The following EGF variants were observed in gnomAD, a reference collection of about 807,000 sequenced individuals.
EGF encodes pro-epidermal growth factor.
Under a neutral mutation model 143.8 loss-of-function variants are expected in EGF, and 95 were observed. The ratio of observed to expected loss-of-function variants is 0.66; its 90% CI spans 0.56 to 0.78. EGF has a LOEUF of 0.78. Among genes scored for constraint, EGF ranks in the 30% least tolerant of loss-of-function variants. The pLI is 0.00. For synonymous variants in EGF, 510 were observed against 510.5 expected, an observed-to-expected ratio of 1.00 and a Z score of 0.01; for missense variants, 1,320 against 1,470.9, an observed-to-expected ratio of 0.90 and a Z score of 1.68.
At chr4:109,979,276 G>A (rs935970589) in intron 13 of EGF, among the ~76,000 whole-genome samples, 1 of 152,124 alleles carries the variant, frequency 6.6e-6, no homozygotes, top group Non-Finnish European at 1.5e-5. Flanking sequence ...AGGAAATGAA[G>A]ATGGGAGAGA....
intron 5 of EGF, chr4:109,959,089 T>C: frequency 1.7e-6 from 1 of 572,008 alleles, no homozygotes; most frequent in Non-Finnish European, 3.0e-6. Flanking sequence ...CTCCAGCTAA[T>C]CAGGATGCCC....
chr4:109,954,506 G>A (rs182708081), intron 5 of EGF, among the ~76,000 whole-genome samples: 28 of 152,014 alleles, frequency 1.8e-4, no homozygotes, highest in Admixed American at 4.6e-4. Flanking sequence ...AGCACAGAAC[G>A]GCCATTCTTG....
intron 14 of EGF, 116 bp downstream of exon 14, chr4:109,980,255 T>C: frequency 4.7e-6 from 5 of 1,059,164 alleles, no homozygotes; most frequent in Non-Finnish European, 6.7e-6. Context: ...TTTCACTAAC[T>C]GTGTAGATGT....
intron 1 of EGF, among the ~76,000 whole-genome samples, chr4:109,930,270 A>G (rs1170728762): frequency 1.3e-5 from 2 of 152,176 alleles, no homozygotes; most frequent in South Asian, 2.1e-4. Context: ...AGAGGAGATG[A>G]GATAGTTTTT....
In EGF at chr4:109,994,407, G is replaced by T. The variant is rs188717579; in HGVS notation, c.2858-326G>T. On this transcript the variant is annotated intron_variant, in intron 19 of 23. Coordinates refer to ENST00000265171, the MANE Select transcript of EGF (RefSeq NM_001963.6). ...TTGAAGCTAACTGTCACTTCACATGGTTAGTGTATGTTTGTGTGTGACAGG... is the reference window on the plus strand; with the variant it reads ...TTGAAGCTAACTGTCACTTCACATGTTTAGTGTATGTTTGTGTGTGACAGG... 4.6e-5 allele frequency among the ~76,000 whole-genome samples: 7 copies of T among 152,306 alleles called. No individual in the cohort carries two copies. The East Asian group carries it at 1.4e-3, about 29-fold the overall frequency.
intron 20 of EGF, among the ~76,000 whole-genome samples, chr4:109,998,147 A>G (rs915969126): frequency 6.6e-6 from 1 of 152,210 alleles, no homozygotes; most frequent in Non-Finnish European, 1.5e-5. Context: ...CATATTCCTC[A>G]AGACCCCAGA....
chr4:109,965,274 T>C (rs1340116161), intron 10 of EGF, among the ~76,000 whole-genome samples: 1 of 152,172 alleles, frequency 6.6e-6, no homozygotes. Context: ...ATGTGGTACA[T>C]TAATTCCTAG....
chr4:109,968,274 T>C (rs1415476700), intron 10 of EGF, among the ~76,000 whole-genome samples: 1 of 152,138 alleles, frequency 6.6e-6, no homozygotes, highest in Non-Finnish European at 1.5e-5. Flanking sequence ...TAGTCTAACT[T>C]CCTCATTTTT....
Position 109,923,052 on chromosome 4 carries a change from T to G in EGF, c.127+9590T>G, listed in dbSNP as rs533296080. Among the ~76,000 whole-genome samples the G allele has an allele frequency of 3.3e-5, 5 of 151,828 alleles. No homozygotes were observed. The East Asian group carries it at 9.6e-4, about 29-fold the overall frequency. On this transcript the variant is annotated intron_variant, in intron 1 of 23. Transcript: ENST00000265171. ...TTAACCAGCAGGTTCTTTGTGATTT[T>G]TAAAAATTATCCTTTTTATTATCCT...
intron 16 of EGF, among the ~76,000 whole-genome samples, chr4:109,985,001 A>T (rs937944559): frequency 1.3e-5 from 2 of 152,176 alleles, no homozygotes; most frequent in African/African-American, 4.8e-5. Flanking sequence ...AATACTTTAA[A>T]CCAATGTTAG....
intron 2 of EGF, 45 bp downstream of exon 2, chr4:109,941,190 C>G (rs1458395117): frequency 2.6e-6 from 4 of 1,541,164 alleles, no homozygotes; most frequent in Non-Finnish European, 9.0e-7. Context: ...TTTGTACAGG[C>G]TGACAAATAT....
chr4:109,965,446 A>G (rs1746398443), intron 10 of EGF, among the ~76,000 whole-genome samples: 1 of 152,288 alleles, frequency 6.6e-6, no homozygotes, highest in Admixed American at 6.5e-5. Context: ...GAACACTAGC[A>G]AACAATTCTT....
chr4:109,926,364 T>C (rs1294014359), intron 1 of EGF, among the ~76,000 whole-genome samples: 3 of 149,920 alleles, frequency 2.0e-5, no homozygotes, highest in African/African-American at 7.4e-5. Context: ...TTTTTTTTTT[T>C]TTTTTTCCGA....
chr4:109,949,238 T>C (rs79805385), intron 5 of EGF, among the ~76,000 whole-genome samples: 1 of 152,030 alleles, frequency 6.6e-6, no homozygotes, highest in Non-Finnish European at 1.5e-5. Flanking sequence ...CCAGCTAATT[T>C]GTATTTTTAG....
Position 109,999,770 on chromosome 4 carries a change from G to A in EGF, c.3097G>A (p.Val1033Ile). Residue 1033 changes from valine (V) to isoleucine (I), a missense_variant, in exon 21 of 24, where the codon GTC becomes ATC. Physicochemically the swap from Val to Ile is conservative, Grantham distance 29 (BLOSUM62 3). Transcript: ENST00000265171. ...RHAGHGQQQK[V>I]IVVAVCVVVL... ...CGCTGGCCACGGGCAGCAGCAGAAG[G>A]TCATCGTGGTGGCTGTCTGCGTGGT... The A allele has an allele frequency of 6.2e-7, 1 of 1,614,116 alleles. No homozygotes were observed. Among genetic ancestry groups the A allele is most frequent in the Non-Finnish European group, 8.5e-7 (1 of 1,180,026 alleles).
At chr4:109,914,621 T>C (rs1392655010) in intron 1 of EGF, among the ~76,000 whole-genome samples, 7 of 152,194 alleles carry the variant, frequency 4.6e-5, no homozygotes. Flanking sequence ...TAGTGATCTC[T>C]ATGTTCCCAG....
chr4:109,970,043 C>T (rs1285559392), intron 11 of EGF, among the ~76,000 whole-genome samples: 3 of 152,066 alleles, frequency 2.0e-5, no homozygotes, highest in Non-Finnish European at 4.4e-5. Context: ...GAGGAAAGTG[C>T]ATGAGATAAG....
chr4:109,971,992 A>G (rs1003594548), intron 11 of EGF, among the ~76,000 whole-genome samples: 1 of 152,196 alleles, frequency 6.6e-6, no homozygotes, highest in African/African-American at 2.4e-5. Flanking sequence ...GAAGGTAAAA[A>G]TATAAGCTAT....
rs530568548 is a variant in EGF, at chr4:109,991,407, A to G, written c.2735-1840A>G. On this transcript the variant is annotated intron_variant, in intron 18 of 23. Transcript: ENST00000265171. ...GCAAAGTTCTAGGCAACAGGGAGCC[A>G]CTGGCAGCATTTGAGTAAAGTGGTG... Among the ~76,000 whole-genome samples, 5 of 152,216 alleles carry G rather than the reference A, an allele frequency of 3.3e-5. No homozygotes were observed. In the South Asian group the frequency reaches 8.3e-4, roughly 25 times the overall value.
Sources: allele counts gnomAD v4.1 joint callset (sites outside exome capture counted in the v4.1 genomes callset), GRCh38; gene constraint gnomAD v4.1.1; transcripts MANE v1.5; gene names NCBI Gene and HGNC (gene_info 2026-07-23, HGNC 2026-07-21).